The following FSTL5 variants were observed in gnomAD, a reference collection of about 807,000 sequenced individuals.
The protein encoded by FSTL5 is follistatin like 5.
A neutral mutation model predicts 89.1 loss-of-function variants in FSTL5; 62 were observed. The observed-to-expected ratio is 0.70, with a 90% CI of 0.57 to 0.86. The LOEUF is 0.86. Ranked by LOEUF, FSTL5 falls within the 40% of genes least tolerant of loss-of-function variation. The pLI is 0.00. For missense variants in FSTL5, 1,057 were observed against 1,001.6 expected (o/e 1.06, Z -0.75); for synonymous variants, 383 against 346.2 (o/e 1.11, Z -1.18).
chr4:161,992,471 T>C (rs1453226239), intron 3 of FSTL5, among the ~76,000 whole-genome samples: 1 of 151,372 alleles, frequency 6.6e-6, no homozygotes, highest in Non-Finnish European at 1.5e-5. Context: ...AAGGAAGGAG[T>C]AACCATTAAT....
chr4:161,906,895 T>C (rs1733544429), intron 4 of FSTL5, among the ~76,000 whole-genome samples: 1 of 152,162 alleles, frequency 6.6e-6, no homozygotes, highest in Non-Finnish European at 1.5e-5. Context: ...CTTCCATGCC[T>C]GCTGCTTCCA....
At chr4:161,903,841 C>T (rs1733442805) in intron 4 of FSTL5, among the ~76,000 whole-genome samples, 1 of 151,848 alleles carries the variant, frequency 6.6e-6, no homozygotes, top group African/African-American at 2.4e-5. Flanking sequence ...ACTGAATGTC[C>T]TTGGCCATCC....
intron 4 of FSTL5, among the ~76,000 whole-genome samples, chr4:161,806,400 A>G (rs1292343794): frequency 6.6e-6 from 1 of 152,118 alleles, no homozygotes; most frequent in African/African-American, 2.4e-5. Context: ...CAAGCACTCT[A>G]ATAAGGATCA....
chr4:162,144,326 T>C (rs974220089), intron 1 of FSTL5, among the ~76,000 whole-genome samples: 1 of 152,238 alleles, frequency 6.6e-6, no homozygotes, highest in Non-Finnish European at 1.5e-5. Flanking sequence ...ATTATCGATG[T>C]AACTCAATTG....
intron 4 of FSTL5, among the ~76,000 whole-genome samples, chr4:161,805,232 CA>C (rs1560855868): frequency 6.6e-6 from 1 of 152,028 alleles, no homozygotes; most frequent in Non-Finnish European, 1.5e-5. Flanking sequence ...ATACAATTTT[CA>C]CATGAGTTTG....
At chr4:161,882,844 G>T (rs78942456) in intron 4 of FSTL5, among the ~76,000 whole-genome samples, 3,165 of 152,194 alleles carry the variant, frequency 0.021, 108 homozygotes, top group African/African-American at 0.07. Flanking sequence ...AGTAGAGCAA[G>T]CAGCATTAGC....
chr4:161,530,997 C>A (rs1314458555), intron 10 of FSTL5, among the ~76,000 whole-genome samples: 1 of 152,156 alleles, frequency 6.6e-6, no homozygotes, highest in African/African-American at 2.4e-5. Flanking sequence ...CTCCTACTCC[C>A]TGTTGTGAGC....
intron 2 of FSTL5, among the ~76,000 whole-genome samples, chr4:162,076,574 G>A (rs1729854644): frequency 6.6e-6 from 1 of 151,868 alleles, no homozygotes; most frequent in South Asian, 2.1e-4. Context: ...TGATTACATA[G>A]ATTACCATCT....
At chr4:161,848,643 C>G (rs1463483847) in intron 4 of FSTL5, among the ~76,000 whole-genome samples, 2 of 151,916 alleles carry the variant, frequency 1.3e-5, no homozygotes, top group Non-Finnish European at 2.9e-5. Flanking sequence ...ATTAGAAAAG[C>G]CCTAGCTACA....
At chr4:161,958,133 A>G (rs1354382191) in intron 3 of FSTL5, among the ~76,000 whole-genome samples, 2 of 152,008 alleles carry the variant, frequency 1.3e-5, no homozygotes, top group Admixed American at 6.6e-5. Context: ...CTTCCACTGT[A>G]TCTATCCTAT....
chr4:161,917,166 C>A (rs1016839671), intron 4 of FSTL5, among the ~76,000 whole-genome samples: 1 of 152,070 alleles, frequency 6.6e-6, no homozygotes, highest in East Asian at 1.9e-4. Context: ...CCAAGTTGGC[C>A]GGGCTGGTAT....
intron 12 of FSTL5, among the ~76,000 whole-genome samples, chr4:161,482,320 A>C (rs544924127): frequency 1.3e-5 from 2 of 152,284 alleles, no homozygotes; most frequent in East Asian, 3.9e-4. Flanking sequence ...CGTCTCAAAA[A>C]AAAAAATTAT....
chr4:161,404,032 T>A (rs1180239314), intron 15 of FSTL5, among the ~76,000 whole-genome samples: 1 of 152,186 alleles, frequency 6.6e-6, no homozygotes, highest in Non-Finnish European at 1.5e-5. Context: ...ACATTCCCAG[T>A]GTGGTTACCT....
chr4:161,673,887 C>T (rs1737207251), intron 6 of FSTL5, among the ~76,000 whole-genome samples: 1 of 151,686 alleles, frequency 6.6e-6, no homozygotes, highest in South Asian at 2.1e-4. Flanking sequence ...CAGGATATTT[C>T]AATATAAATT....
intron 11 of FSTL5, among the ~76,000 whole-genome samples, chr4:161,503,176 T>C (rs922756350): frequency 6.6e-6 from 1 of 151,694 alleles, no homozygotes; most frequent in Non-Finnish European, 1.5e-5. Context: ...TTGTAAAATT[T>C]CCATTAGTTA....
intron 6 of FSTL5, among the ~76,000 whole-genome samples, chr4:161,697,459 GACAA>G (rs1738208852): frequency 6.6e-6 from 1 of 152,000 alleles, no homozygotes; most frequent in African/African-American, 2.4e-5. Context: ...TTTTTAAATT[GACAA>G]ACACAATTGT....
chr4:161,538,267 C>A lies in FSTL5; in HGVS notation c.1211G>T (p.Arg404Leu), dbSNP rs200491447. The A allele has an allele frequency of 6.2e-7, 1 of 1,613,920 alleles. No individual in the cohort carries two copies. The highest frequency in any genetic ancestry group is 1.1e-5 in the South Asian group (1 of 91,080). The change falls in exon 10 of 16, where the codon CGC becomes CTC. Residue 404 changes from arginine (R) to leucine (L), a missense_variant. Coordinates refer to ENST00000306100, the MANE Select transcript of FSTL5 (RefSeq NM_020116.5). ...NGSEVHISNV[R>L]YEDTGAYTCI... ...AGTGTATGCTCCAGTATCTTCATAG[C>A]GCACATTGCTTATGTGAACCTCACT... is the stretch of plus-strand genomic sequence containing the variant.
intron 4 of FSTL5, among the ~76,000 whole-genome samples, chr4:161,875,397 C>T (rs1161538257): frequency 1.3e-5 from 2 of 152,148 alleles, no homozygotes; most frequent in Non-Finnish European, 2.9e-5. Flanking sequence ...TGCAACCAAT[C>T]AGATGCTTGC....
chr4:161,630,204 C>T lies in FSTL5; in HGVS notation c.894+26124G>A, dbSNP rs147020803. On this transcript the variant is annotated intron_variant, in intron 7 of 15. Coordinates refer to ENST00000306100, the MANE Select transcript of FSTL5 (RefSeq NM_020116.5). ...TTCACTGTGCAGTGAGGTGACTCAC[C>T]ATGTTTATGCTAATCCAGCTTACCC... is the stretch of plus-strand genomic sequence containing the variant. Among the ~76,000 whole-genome samples, 462 of 152,260 alleles carry T rather than the reference C, an allele frequency of 3.0e-3. 4 individuals carry two copies. Among genetic ancestry groups the T allele is most frequent in the Non-Finnish European group, 3.6e-3 (247 of 68,012 alleles).
Sources: allele counts gnomAD v4.1 joint callset (sites outside exome capture counted in the v4.1 genomes callset), GRCh38; gene constraint gnomAD v4.1.1; transcripts MANE v1.5; gene names NCBI Gene and HGNC (gene_info 2026-07-23, HGNC 2026-07-21).